Variants in TRIB2 observed in about 807,000 individuals in gnomAD.
TRIB2 encodes the protein tribbles pseudokinase 2.
Under a neutral mutation model 26.8 loss-of-function variants are expected in TRIB2, and 2 were observed. That is an observed-to-expected ratio of 0.07 (90% CI 0.03 to 0.24). TRIB2 has a LOEUF of 0.24. TRIB2 is among the 10% of genes least tolerant of loss of function. The pLI is 1.00. For missense variants in TRIB2, 306 were observed against 449.0 expected (o/e 0.68, Z 2.88); for synonymous variants, 189 against 187.3 (o/e 1.01, Z -0.08).
At chr2:12,731,310 C>T (rs111652127) in intron 2 of TRIB2, among the ~76,000 whole-genome samples, 2,219 of 151,946 alleles carry the variant, frequency 0.015, 48 homozygotes, top group African/African-American at 0.051. Context: ...GCTGGAGGGT[C>T]CCCTGTGCCA....
chr2:12,740,253 G>A lies in TRIB2; in HGVS notation c.564-73G>A. On this transcript the variant is annotated intron_variant, in intron 2 of 2. Coordinates refer to ENST00000155926, the MANE Select transcript of TRIB2 (RefSeq NM_021643.4). This position sits in a 1 kb window ranked among gnomAD's most constrained non-coding sequence, Gnocchi z 5.8. ...GGAGTCTTCAGAAACACTATAGTCG[G>A]TTATGTTATGATGCTGGTGGTAACG... 2 of 1,392,074 alleles carry A rather than the reference G, an allele frequency of 1.4e-6. No homozygotes were observed. Among genetic ancestry groups the A allele is most frequent in the Non-Finnish European group, 1.0e-6 (1 of 1,000,926 alleles). 86.2% of individuals were successfully genotyped at this position (1,392,074 alleles called of 1,614,324 possible).
chr2:12,735,137 G>A (rs1365044625), intron 2 of TRIB2, among the ~76,000 whole-genome samples: 1 of 152,176 alleles, frequency 6.6e-6, no homozygotes, highest in Non-Finnish European at 1.5e-5. Flanking sequence ...AAAGGTCCTC[G>A]TTGAAAGACG....
In TRIB2 at chr2:12,718,427, C is replaced by T. The variant is rs140608739; in HGVS notation, c.120C>T (p.Ser40=). The T allele has an allele frequency of 1.2e-6, 2 of 1,614,252 alleles. No homozygotes were observed. The highest frequency in any genetic ancestry group is 8.5e-7 in the Non-Finnish European group (1 of 1,180,044). Residue 40 remains serine (S), a synonymous_variant, in exon 1 of 3, where the codon AGC becomes AGT. Transcript: ENST00000155926. This position sits in a 1 kb window ranked among gnomAD's most constrained non-coding sequence, Gnocchi z 4.0. ...IRSAEPSQSF[S]PNLGSPSPPE... is the part of the protein sequence containing the mutation. ...CCGCGGAGCCCAGCCAGAGTTTCAG[C>T]CCGAACCTCGGCTCCCCGAGCCCGC...
At chr2:12,738,326 T>C (rs1232532981) in intron 2 of TRIB2, among the ~76,000 whole-genome samples, 1 of 152,200 alleles carries the variant, frequency 6.6e-6, no homozygotes, top group East Asian at 1.9e-4. Context: ...CTCTTTCTTA[T>C]TCAATGCTTA....
intron 2 of TRIB2, among the ~76,000 whole-genome samples, chr2:12,739,351 C>T (rs1363143656): frequency 6.6e-6 from 1 of 152,196 alleles, no homozygotes; most frequent in African/African-American, 2.4e-5. Flanking sequence ...CCTCCGCCTC[C>T]CGGGTTCAAA....
chr2:12,725,801 G>T (rs1203855381), intron 2 of TRIB2, among the ~76,000 whole-genome samples: 1 of 152,258 alleles, frequency 6.6e-6, no homozygotes, highest in African/African-American at 2.4e-5. Context: ...GTAAAGGACT[G>T]TAGGGAGCTG....
At chr2:12,730,874 C>T (rs1192153263) in intron 2 of TRIB2, among the ~76,000 whole-genome samples, 1 of 152,180 alleles carries the variant, frequency 6.6e-6, no homozygotes, top group African/African-American at 2.4e-5. Context: ...AATCATGAAA[C>T]CGAGTCCAGG....
At chr2:12,723,604 A>G (rs1360971641) in intron 2 of TRIB2, 52 bp downstream of exon 2, 1 of 1,556,342 alleles carries the variant, frequency 6.4e-7, no homozygotes, top group East Asian at 2.3e-5. Context: ...GCTCCTAACA[A>G]CAGCTTCCTA....
chr2:12,731,159 C>T (rs531744298), intron 2 of TRIB2, among the ~76,000 whole-genome samples: 5 of 152,278 alleles, frequency 3.3e-5, no homozygotes, highest in African/African-American at 7.2e-5. Context: ...CAGTGGAGTA[C>T]GGTGTGGAGA....
At chr2:12,733,229 G>A (rs1363322856) in intron 2 of TRIB2, among the ~76,000 whole-genome samples, 2 of 152,170 alleles carry the variant, frequency 1.3e-5, no homozygotes, top group African/African-American at 4.8e-5. Context: ...TCTTCATCCG[G>A]TAAATGGGCA....
intron 1 of TRIB2, among the ~76,000 whole-genome samples, chr2:12,720,565 C>G (rs1030417694): frequency 1.3e-5 from 2 of 150,764 alleles, no homozygotes; most frequent in African/African-American, 2.4e-5. Context: ...GGTCTCTTAG[C>G]TTACTTTAAG....
chr2:12,717,613 T>G lies in TRIB2; in HGVS notation c.-695T>G, dbSNP rs1033369088. The G allele has an allele frequency of 7.6e-6, 3 of 397,202 alleles. No homozygotes were observed. Among genetic ancestry groups the G allele is most frequent in the African/African-American group, 2.1e-5 (1 of 48,732 alleles). 24.6% of individuals were successfully genotyped at this position (397,202 alleles called of 1,614,324 possible). A position where few individuals can be genotyped will look rare whatever the true frequency, so the allele number is the denominator to read the frequency against. The stretch of plus-strand genomic sequence containing the variant: ...AATGCTCCCTTGCAATTTTTCTTTT[T>G]TTTGTTTGTTTGTTTAATTTTTGGA... On this transcript the variant is annotated 5_prime_UTR_variant, in exon 1 of 3. Transcript: ENST00000155926. This position sits in a 1 kb window ranked among gnomAD's most constrained non-coding sequence, Gnocchi z 4.8.
intron 2 of TRIB2, among the ~76,000 whole-genome samples, chr2:12,731,538 T>C (rs1661458437): frequency 6.6e-6 from 1 of 151,832 alleles, no homozygotes; most frequent in Non-Finnish European, 1.5e-5. Context: ...GATTGAAGAA[T>C]TGGGGGCAAC....
Position 12,740,299 on chromosome 2 carries a change from A to T in TRIB2, c.564-27A>T. 2 of 1,604,632 alleles carry T rather than the reference A, an allele frequency of 1.2e-6. No homozygotes were observed. The highest frequency in any genetic ancestry group is 1.7e-6 in the Non-Finnish European group (2 of 1,173,490). On this transcript the variant is annotated intron_variant, in intron 2 of 2. Coordinates refer to ENST00000155926, the MANE Select transcript of TRIB2 (RefSeq NM_021643.4). The surrounding 1 kb of genome is among the most constrained non-coding windows in gnomAD (Gnocchi z 5.8). ...TAACGTGTCTCTGAGCACCCTCAGG[A>T]GCTTATGTTTTCCTCCTTTCTTGCA...
chr2:12,728,931 A>C (rs1661392049), intron 2 of TRIB2, among the ~76,000 whole-genome samples: 2 of 152,216 alleles, frequency 1.3e-5, no homozygotes. Context: ...AACAGAGTAC[A>C]GAGGGCAGGC....
rs1473999989 is a variant in TRIB2, at chr2:12,732,114, T to G, written c.564-8212T>G. 2.0e-5 allele frequency among the ~76,000 whole-genome samples: 3 copies of G among 152,164 alleles called. No individual in the cohort carries two copies. The highest frequency in any genetic ancestry group is 6.5e-5 in the Admixed American group (1 of 15,282). On this transcript the variant is annotated intron_variant, in intron 2 of 2. Transcript: ENST00000155926. The surrounding 1 kb of genome is among the most constrained non-coding windows in gnomAD (Gnocchi z 4.2). The stretch of plus-strand genomic sequence containing the variant: ...CTTCCTCTGTGAAGCCCTGGCGGCC[T>G]GCAGGCTGTGCTTGTGTGGTGTCTG...
chr2:12,724,259 G>A (rs926077080), intron 2 of TRIB2, among the ~76,000 whole-genome samples: 2 of 152,248 alleles, frequency 1.3e-5, no homozygotes, highest in Admixed American at 1.3e-4. Flanking sequence ...GCATGGCAGT[G>A]CAGAGGTCTT....
intron 1 of TRIB2, among the ~76,000 whole-genome samples, chr2:12,720,140 G>T (rs991223327): frequency 6.6e-6 from 1 of 152,228 alleles, no homozygotes; most frequent in African/African-American, 2.4e-5. Context: ...GCCAAATTCT[G>T]CAGGGGCATC....
intron 2 of TRIB2, among the ~76,000 whole-genome samples, chr2:12,734,760 A>T (rs563028383): frequency 6.6e-6 from 1 of 152,204 alleles, no homozygotes; most frequent in African/African-American, 2.4e-5. Flanking sequence ...TGTCTTTTAC[A>T]TGCCTGCATG....
Sources: gnomAD v4.1 joint callset for allele counts (sites outside exome capture counted in the v4.1 genomes callset) on GRCh38, gnomAD v4.1.1 for gene constraint, Gnocchi (gnomAD v3.1) non-coding constraint, MANE v1.5 for transcripts, NCBI Gene and HGNC (gene_info 2026-07-23, HGNC 2026-07-21) for gene names.